MAP3K5: variants seen among roughly 807,000 people sequenced by gnomAD.
MAP3K5 encodes the protein ASK-1.
Under a neutral mutation model 158.7 loss-of-function variants are expected in MAP3K5, and 56 were observed. The ratio of observed to expected loss-of-function variants is 0.35; its 90% CI spans 0.28 to 0.44. The LOEUF is 0.44. Ranked by LOEUF, MAP3K5 falls within the 20% of genes least tolerant of loss-of-function variation. The pLI is 1.00. For missense variants in MAP3K5, 1,294 were observed against 1,674.8 expected (o/e 0.77, Z 3.97); for synonymous variants, 579 against 601.7 (o/e 0.96, Z 0.55).
chr6:136,632,427 G>C (rs1447355219), intron 14 of MAP3K5, among the ~76,000 whole-genome samples: 2 of 152,296 alleles, frequency 1.3e-5, no homozygotes, highest in Admixed American at 6.5e-5. Flanking sequence ...TGAGGCAGGA[G>C]AATTGCTTGA....
chr6:136,608,889 C>T (rs1159150637), intron 18 of MAP3K5, among the ~76,000 whole-genome samples: 1 of 152,220 alleles, frequency 6.6e-6, no homozygotes, highest in South Asian at 2.1e-4. Flanking sequence ...AATTTATTGA[C>T]TGAGCACCTG....
In MAP3K5 at chr6:136,574,198, TGA is replaced by T. The variant is rs200178454; in HGVS notation, c.3517+6101_3517+6102del. Among the ~76,000 whole-genome samples the T allele has an allele frequency of 4.8e-3, 734 of 152,324 alleles. 4 individuals carry two copies. Among genetic ancestry groups the T allele is most frequent in the African/African-American group, 0.017 (700 of 41,578 alleles). On this transcript the variant is annotated intron_variant, in intron 25 of 29. Transcript: ENST00000359015. ...TGCCTGCCTTGGCCTCCCAAAGTGC[TGA>T]GATTATAGGCATGAGCCACCACGCT...
intron 7 of MAP3K5, among the ~76,000 whole-genome samples, chr6:136,683,648 T>G (rs913345366): frequency 1.3e-5 from 2 of 152,232 alleles, no homozygotes; most frequent in African/African-American, 4.8e-5. Context: ...TAATTTTTTT[T>G]AAGTAATAAA....
chr6:136,757,586 ATTTTTT>A (rs897486770), intron 1 of MAP3K5, among the ~76,000 whole-genome samples: 1 of 127,818 alleles, frequency 7.8e-6, no homozygotes, highest in Non-Finnish European at 1.6e-5. Context: ...TTTATTTTTT[ATTTTTT>A]TTTTTTTTTT....
intron 10 of MAP3K5, among the ~76,000 whole-genome samples, chr6:136,655,000 T>C (rs979914692): frequency 2.0e-5 from 3 of 152,222 alleles, no homozygotes; most frequent in African/African-American, 7.2e-5. Flanking sequence ...TATACCTATA[T>C]TCTCCTAACT....
At chr6:136,668,427 A>G (rs1779321751) in intron 8 of MAP3K5, among the ~76,000 whole-genome samples, 2 of 152,146 alleles carry the variant, frequency 1.3e-5, no homozygotes, top group African/African-American at 4.8e-5. Flanking sequence ...TTTCTTCTAC[A>G]ATTCATAGCT....
chr6:136,631,821 C>T (rs1429700457), intron 14 of MAP3K5, among the ~76,000 whole-genome samples: 1 of 152,012 alleles, frequency 6.6e-6, no homozygotes, highest in Non-Finnish European at 1.5e-5. Context: ...CATGTGAGCT[C>T]ATGTGATTAA....
chr6:136,654,957 T>G (rs1778679990), intron 10 of MAP3K5, among the ~76,000 whole-genome samples: 1 of 152,238 alleles, frequency 6.6e-6, no homozygotes, highest in African/African-American at 2.4e-5. Context: ...TAAGTCCTTT[T>G]CTTGCTTAAG....
chr6:136,694,661 G>C (rs1259067652), intron 6 of MAP3K5, among the ~76,000 whole-genome samples: 1 of 152,184 alleles, frequency 6.6e-6, no homozygotes, highest in African/African-American at 2.4e-5. Flanking sequence ...GAATAGGGTA[G>C]AGTAAATAAA....
intron 1 of MAP3K5, among the ~76,000 whole-genome samples, chr6:136,776,625 G>GT (rs1014098327): frequency 5.3e-5 from 8 of 152,172 alleles, no homozygotes; most frequent in African/African-American, 1.7e-4. Context: ...AAATTTAACC[G>GT]TAATACTCCT....
At chr6:136,624,602 G>T (rs913010197) in intron 14 of MAP3K5, among the ~76,000 whole-genome samples, 2 of 152,066 alleles carry the variant, frequency 1.3e-5, no homozygotes, top group Non-Finnish European at 2.9e-5. Flanking sequence ...TAAAGACCAT[G>T]ATCTCTGAGC....
intron 1 of MAP3K5, among the ~76,000 whole-genome samples, chr6:136,738,257 G>T (rs1306540839): frequency 6.6e-6 from 1 of 152,074 alleles, no homozygotes; most frequent in Admixed American, 6.5e-5. Flanking sequence ...CTCCTGTAAC[G>T]TATCGCTTGG....
chr6:136,559,063 C>A (rs889552727), intron 28 of MAP3K5, among the ~76,000 whole-genome samples, 187 bp from the exon 29 acceptor site: 1 of 152,152 alleles, frequency 6.6e-6, no homozygotes, highest in Non-Finnish European at 1.5e-5. Flanking sequence ...CAAAGAAATG[C>A]ATCCAGGCCG....
chr6:136,779,493 G>C (rs147678388), intron 1 of MAP3K5, among the ~76,000 whole-genome samples: 6 of 150,392 alleles, frequency 4.0e-5, no homozygotes, highest in Non-Finnish European at 8.9e-5. Context: ...TAGTGTGATA[G>C]AGTGATTAGC....
chr6:136,729,074 A>G (rs1249197240), intron 1 of MAP3K5, among the ~76,000 whole-genome samples: 1 of 147,952 alleles, frequency 6.8e-6, no homozygotes, highest in Non-Finnish European at 1.5e-5. Flanking sequence ...AATAGCTGCA[A>G]GAGCTCAGCT....
chr6:136,595,705 C>A (rs1366890539), intron 21 of MAP3K5, among the ~76,000 whole-genome samples: 1 of 152,098 alleles, frequency 6.6e-6, no homozygotes, highest in Non-Finnish European at 1.5e-5. Flanking sequence ...TTTGACAGTT[C>A]AGTTTGAAAA....
intron 1 of MAP3K5, among the ~76,000 whole-genome samples, chr6:136,765,135 A>T (rs1325365223): frequency 4.6e-5 from 7 of 152,222 alleles, no homozygotes; most frequent in African/African-American, 7.2e-5. Context: ...AAGCACATCT[A>T]AAAGCCTCTT....
chr6:136,668,457 A>AT (rs143633789), intron 8 of MAP3K5, among the ~76,000 whole-genome samples: 3,421 of 152,260 alleles, frequency 0.022, 59 homozygotes, highest in Middle Eastern at 0.037. Flanking sequence ...TGAACGTGTT[A>AT]TTTTTTCCCT....
chr6:136,608,790 G>A (rs1416792534), intron 18 of MAP3K5, among the ~76,000 whole-genome samples: 1 of 152,206 alleles, frequency 6.6e-6, no homozygotes, highest in Admixed American at 6.5e-5. Flanking sequence ...AGCACTTAGT[G>A]CAGAGCAAGG....
Sources: gnomAD v4.1 joint callset for allele counts (sites outside exome capture counted in the v4.1 genomes callset) on GRCh38, gnomAD v4.1.1 for gene constraint, MANE v1.5 for transcripts, NCBI Gene and HGNC (gene_info 2026-07-23, HGNC 2026-07-21) for gene names.